The following SERINC5 variants were observed in gnomAD, a reference collection of about 807,000 sequenced individuals.
SERINC5 encodes the protein serine incorporator 5.
In SERINC5, 41 loss-of-function variants were observed where a neutral mutation model predicts 63.1. That is an observed-to-expected ratio of 0.65 (90% CI 0.51 to 0.84). The LOEUF (loss-of-function observed/expected upper bound fraction) is 0.84, where lower values mean the gene tolerates loss of function less well. Ranked by LOEUF, SERINC5 falls within the 40% of genes least tolerant of loss-of-function variation. The pLI is 0.00. For missense variants in SERINC5, 523 were observed against 573.0 expected (o/e 0.91, Z 0.89); for synonymous variants, 222 against 215.2 (o/e 1.03, Z -0.28).
In SERINC5 at chr5:80,199,301, T is replaced by C. The variant is rs368262958; in HGVS notation, c.195+3585A>G. On this transcript the variant is annotated intron_variant, in intron 2 of 11. Coordinates refer to ENST00000507668, the MANE Select transcript of SERINC5 (RefSeq NM_001174072.3). ...TGAGGTACTTAAATGGCTCGATGTT[T>C]CAGTTTCCCCATCTGTAGGGCAGGG... 9.2e-5 allele frequency among the ~76,000 whole-genome samples: 14 copies of C among 152,326 alleles called. No homozygotes were observed. The East Asian group carries it at 2.3e-3, about 25-fold the overall frequency.
chr5:80,208,253 A>T, intron 1 of SERINC5, among the ~76,000 whole-genome samples: 1 of 152,194 alleles, frequency 6.6e-6, no homozygotes, highest in East Asian at 1.9e-4. Context: ...GATTCTAACA[A>T]ATGTACCAGT....
At chr5:80,169,047 C>T (rs1183720740) in intron 6 of SERINC5, among the ~76,000 whole-genome samples, 2 of 152,184 alleles carry the variant, frequency 1.3e-5, no homozygotes, top group African/African-American at 4.8e-5. Context: ...AGGCATTTCC[C>T]ATTTAAAGGC....
rs1485171471 is a variant in SERINC5, at chr5:80,200,403, G to GTGAAC, written c.195+2478_195+2482dup. Reference sequence around the variant, plus strand: ...CGGGAGGCTGAGGCAGGAGAATGGCGTGAACCCAGGAGGCAGAGCTTGCAG... The same window carrying GTGAAC: ...CGGGAGGCTGAGGCAGGAGAATGGCGTGAACTGAACCCAGGAGGCAGAGCTTGCAG... On this transcript the variant is annotated intron_variant, in intron 2 of 11. Transcript: ENST00000507668. Among the ~76,000 whole-genome samples the GTGAAC allele has an allele frequency of 9.3e-5, 14 of 151,268 alleles. 1 individual carries two copies. Among genetic ancestry groups the GTGAAC allele is most frequent in the African/African-American group, 3.4e-4 (14 of 41,168 alleles).
intron 7 of SERINC5, 38 bp from the exon 8 acceptor site, chr5:80,159,000 A>C (rs1349555260): frequency 6.8e-6 from 11 of 1,610,798 alleles, no homozygotes; most frequent in Non-Finnish European, 9.3e-6. Context: ...AGTCAAGTAC[A>C]AAGGCCAGTT....
At chr5:80,229,895 A>C (rs997334102) in intron 1 of SERINC5, among the ~76,000 whole-genome samples, 3 of 152,226 alleles carry the variant, frequency 2.0e-5, no homozygotes, top group Non-Finnish European at 4.4e-5. Flanking sequence ...AATGTTTTCA[A>C]GGCACTTAGA....
Position 80,163,101 on chromosome 5 carries a change from C to A in SERINC5, c.859+3282G>T, listed in dbSNP as rs370195210. Among the ~76,000 whole-genome samples the A allele has an allele frequency of 9.2e-5, 14 of 152,194 alleles. No individual in the cohort carries two copies. The East Asian group carries it at 2.5e-3, about 27-fold the overall frequency. ...AGCTCCCGACCTCAAATGATCCACC[C>A]ACCCTGCCCTCCCAAAGTGCTGGGA... On this transcript the variant is annotated intron_variant, in intron 7 of 11. Coordinates refer to ENST00000507668, the MANE Select transcript of SERINC5 (RefSeq NM_001174072.3).
chr5:80,156,605 C>T (rs1307701178), intron 8 of SERINC5, among the ~76,000 whole-genome samples: 16 of 152,202 alleles, frequency 1.1e-4, no homozygotes, highest in Admixed American at 1.0e-3. Flanking sequence ...TCTCATCCCA[C>T]CATACACTGC....
intron 1 of SERINC5, among the ~76,000 whole-genome samples, chr5:80,205,411 T>C (rs1750104671): frequency 1.3e-5 from 2 of 152,196 alleles, no homozygotes; most frequent in Admixed American, 6.5e-5. Flanking sequence ...TAAGGATGAA[T>C]GTACAAGCAC....
chr5:80,213,630 G>T (rs1750534729), intron 1 of SERINC5, among the ~76,000 whole-genome samples: 1 of 152,148 alleles, frequency 6.6e-6, no homozygotes, highest in Non-Finnish European at 1.5e-5. Flanking sequence ...TGTACAGTAA[G>T]CATTCAGCAA....
chr5:80,246,144 T>C (rs1340391118), intron 1 of SERINC5, among the ~76,000 whole-genome samples: 1 of 152,092 alleles, frequency 6.6e-6, no homozygotes, highest in Non-Finnish European at 1.5e-5. Flanking sequence ...AGAATGGCAG[T>C]GGAGGAGATC....
intron 11 of SERINC5, among the ~76,000 whole-genome samples, chr5:80,144,062 C>A (rs1180833496): frequency 2.6e-5 from 4 of 151,856 alleles, no homozygotes; most frequent in Admixed American, 2.6e-4. Context: ...CTACTTTCTG[C>A]CTCTATGAAT....
At chr5:80,226,775 C>G (rs1751185542) in intron 1 of SERINC5, among the ~76,000 whole-genome samples, 1 of 152,146 alleles carries the variant, frequency 6.6e-6, no homozygotes, top group Non-Finnish European at 1.5e-5. Context: ...TTCTAGGTGC[C>G]AGGTAGGGTC....
At chr5:80,230,367 G>A (rs928164559) in intron 1 of SERINC5, among the ~76,000 whole-genome samples, 1 of 147,808 alleles carries the variant, frequency 6.8e-6, no homozygotes, top group South Asian at 2.1e-4. Flanking sequence ...GGCTGAGATA[G>A]GAGAACCATT....
At chr5:80,170,863 A>G (rs1050010710) in intron 5 of SERINC5, among the ~76,000 whole-genome samples, 2 of 152,130 alleles carry the variant, frequency 1.3e-5, no homozygotes, top group East Asian at 3.9e-4. Flanking sequence ...AAAAATTAGC[A>G]GCATGTTGTG....
At position 80,177,406 on chromosome 5, in the gene SERINC5, G is replaced by T. The variant is rs780265520; in HGVS notation, c.375-9C>A. 6.3e-7 allele frequency: 1 copy of T among 1,599,748 alleles called. No homozygotes were observed. Among genetic ancestry groups the T allele is most frequent in the Non-Finnish European group, 8.5e-7 (1 of 1,171,974 alleles). On this transcript the variant is annotated splice_polypyrimidine_tract_variant and intron_variant, in intron 3 of 11. Transcript: ENST00000507668. ...GTTTAAAGAACCAAAAGCTAGAAGTGGGGGGAAAAAAAAGAGGAAATGTAT... is the reference window on the plus strand; with the variant it reads ...GTTTAAAGAACCAAAAGCTAGAAGTTGGGGGAAAAAAAAGAGGAAATGTAT...
At chr5:80,211,178 G>C (rs1393812172) in intron 1 of SERINC5, among the ~76,000 whole-genome samples, 1 of 152,210 alleles carries the variant, frequency 6.6e-6, no homozygotes, top group Non-Finnish European at 1.5e-5. Flanking sequence ...GAACTAAAAA[G>C]TGGAGCAGCG....
intron 11 of SERINC5, among the ~76,000 whole-genome samples, chr5:80,132,717 G>A (rs1042209803): frequency 6.6e-6 from 1 of 151,788 alleles, no homozygotes; most frequent in Non-Finnish European, 1.5e-5. Flanking sequence ...CTCCTACCTC[G>A]GCCTCCCAAT....
At chr5:80,182,595 G>A (rs1748524395) in intron 2 of SERINC5, among the ~76,000 whole-genome samples, 1 of 147,770 alleles carries the variant, frequency 6.8e-6, no homozygotes, top group East Asian at 2.1e-4. Flanking sequence ...GCCCAGGCTG[G>A]AGTGCAGTGG....
At chr5:80,241,902 C>A (rs1255329192) in intron 1 of SERINC5, among the ~76,000 whole-genome samples, 1 of 151,792 alleles carries the variant, frequency 6.6e-6, no homozygotes, top group Admixed American at 6.6e-5. Context: ...GCAGGAGGAT[C>A]ACTTGGAGCC....
Sources: gnomAD v4.1 joint callset for allele counts (sites outside exome capture counted in the v4.1 genomes callset) on GRCh38, gnomAD v4.1.1 for gene constraint, MANE v1.5 for transcripts, NCBI Gene and HGNC (gene_info 2026-07-23, HGNC 2026-07-21) for gene names.